Variants in PGGT1B observed in about 807,000 individuals in gnomAD.
The protein encoded by PGGT1B is geranylgeranyl transferase type-1 subunit beta.
PGGT1B carries 30 observed loss-of-function variants against 46.1 expected under a neutral mutation model. That is an observed-to-expected ratio of 0.65 (90% CI 0.49 to 0.88). The LOEUF is 0.88. PGGT1B is among the 40% of genes least tolerant of loss of function. The pLI, the probability that PGGT1B is intolerant of heterozygous loss-of-function variation, is 0.00. For synonymous variants in PGGT1B, 170 were observed against 160.0 expected (o/e 1.06, Z -0.47); for missense variants, 376 against 455.9 (o/e 0.82, Z 1.60).
intron 6 of PGGT1B, among the ~76,000 whole-genome samples, chr5:115,227,250 T>C (rs1432650955): frequency 6.6e-6 from 1 of 152,132 alleles, no homozygotes; most frequent in African/African-American, 2.4e-5. Flanking sequence ...GAAATAACAA[T>C]AATTATTGTG....
intron 1 of PGGT1B, among the ~76,000 whole-genome samples, chr5:115,261,653 G>A (rs1473530900): frequency 6.6e-6 from 1 of 152,198 alleles, no homozygotes; most frequent in East Asian, 1.9e-4. Flanking sequence ...CCTTTGTGAA[G>A]TTTATAATCC....
At chr5:115,242,688 G>A (rs959131126) in intron 2 of PGGT1B, among the ~76,000 whole-genome samples, 2 of 152,178 alleles carry the variant, frequency 1.3e-5, no homozygotes, top group African/African-American at 2.4e-5. Context: ...TAGCAGCCAG[G>A]TGTGGTAGCT....
intron 7 of PGGT1B, among the ~76,000 whole-genome samples, chr5:115,221,612 G>C (rs939648018): frequency 6.6e-6 from 1 of 151,928 alleles, no homozygotes; most frequent in African/African-American, 2.4e-5. Context: ...TGGGTTACTT[G>C]AGTTTTCCAA....
chr5:115,251,488 T>C (rs1204460061), intron 2 of PGGT1B, among the ~76,000 whole-genome samples: 1 of 151,990 alleles, frequency 6.6e-6, no homozygotes, highest in Non-Finnish European at 1.5e-5. Flanking sequence ...ACCAAAAAAT[T>C]GCTCAATTAC....
rs1402588109 is a variant in PGGT1B at position 115,206,164 on chromosome 5, ATGAG to A, written c.*6234_*6237del. ...TTGTATAAGTATATATTGTATTGGG[ATGAG>A]TAATACTTAAATGTTCAGATATTTA... On this transcript the variant is annotated 3_prime_UTR_variant, in exon 9 of 9. Coordinates refer to ENST00000419445, the MANE Select transcript of PGGT1B (RefSeq NM_005023.4). 6.6e-6 allele frequency: 1 copy of A among 151,844 alleles called. No homozygotes were observed. The highest frequency in any genetic ancestry group is 1.5e-5 in the Non-Finnish European group (1 of 67,858). The allele number at this position is 151,844 out of a possible 1,614,324, so 9.4% of individuals were successfully genotyped here.
chr5:115,219,346 GA>G (rs1280215796), intron 7 of PGGT1B, among the ~76,000 whole-genome samples: 1 of 151,814 alleles, frequency 6.6e-6, no homozygotes, highest in African/African-American at 2.4e-5. Flanking sequence ...CCATTTCATG[GA>G]AAAGGACAGT....
intron 2 of PGGT1B, among the ~76,000 whole-genome samples, chr5:115,244,497 C>A (rs894332467): frequency 2.2e-5 from 3 of 135,258 alleles, no homozygotes; most frequent in African/African-American, 5.5e-5. Flanking sequence ...AAAAAGGATT[C>A]TACCTAACAC....
chr5:115,223,730 C>T (rs918256720), intron 6 of PGGT1B, among the ~76,000 whole-genome samples: 2 of 152,164 alleles, frequency 1.3e-5, no homozygotes, highest in Non-Finnish European at 2.9e-5. Context: ...AAAACTAATA[C>T]ACTCACAAAG....
Position 115,205,183 on chromosome 5 carries a change from C to G in PGGT1B, c.*7219G>C, listed in dbSNP as rs567699254. 6.6e-6 allele frequency: 1 copy of G among 152,136 alleles called. No individual in the cohort carries two copies. The highest frequency in any genetic ancestry group is 1.5e-5 in the Non-Finnish European group (1 of 68,018). 9.4% of individuals were successfully genotyped at this position (152,136 alleles called of 1,614,324 possible). On this transcript the variant is annotated 3_prime_UTR_variant, in exon 9 of 9. Coordinates refer to ENST00000419445, the MANE Select transcript of PGGT1B (RefSeq NM_005023.4). ...TTGGCTTTGAGCCTAAATTCATAAT[C>G]TTTTACTTTTTCACAATTTCTCCAG...
rs190931649 is a variant in PGGT1B, at chr5:115,214,155, T to A, written c.953-1572A>T. On this transcript the variant is annotated intron_variant, in intron 8 of 8. Coordinates refer to ENST00000419445, the MANE Select transcript of PGGT1B (RefSeq NM_005023.4). ...CTAGGAAAAAGTACAACAGAAAATATATATCTATAATAACATAAAATAGAA... is the reference window on the plus strand; with the variant it reads ...CTAGGAAAAAGTACAACAGAAAATAAATATCTATAATAACATAAAATAGAA... Among the ~76,000 whole-genome samples the A allele has an allele frequency of 4.9e-4, 74 of 152,270 alleles. 1 individual carries two copies. The highest frequency in any genetic ancestry group is 4.3e-3 in the Admixed American group (66 of 15,290).
intron 4 of PGGT1B, 124 bp downstream of exon 4, chr5:115,237,734 T>C (rs1336729478): frequency 5.7e-6 from 4 of 699,926 alleles, no homozygotes; most frequent in Non-Finnish European, 8.8e-6. Context: ...ATGTACCTCG[T>C]AAGCTTTAGG....
intron 3 of PGGT1B, among the ~76,000 whole-genome samples, chr5:115,239,287 A>T (rs1757279741): frequency 6.6e-6 from 1 of 152,132 alleles, no homozygotes; most frequent in South Asian, 2.1e-4. Context: ...CAAGTGATCC[A>T]TCCTCCTCAT....
In PGGT1B at chr5:115,212,521, T is replaced by C. The variant is rs778087881; in HGVS notation, c.1015A>G (p.Lys339Glu). 3.1e-6 allele frequency: 5 copies of C among 1,613,556 alleles called. No homozygotes were observed. The Admixed American group carries it at 5.0e-5, about 16-fold the overall frequency. ...CTTACATTCAGAGCAGGATGAACTTTACAAATTCCACTTTCCTCCATTAGT... is the reference window on the plus strand; with the variant it reads ...CTTACATTCAGAGCAGGATGAACTTCACAAATTCCACTTTCCTCCATTAGT... ...LSLMEESGIC[K>E]VHPALNVSTR... The change falls in exon 9 of 9, where the codon AAA becomes GAA. Residue 339 changes from lysine (K) to glutamate (E), a missense_variant. Around this residue, in one of 2 missense-constraint regions of PGGT1B, gnomAD observed 222 missense variants for 313.6 expected, o/e 0.71. Transcript: ENST00000419445.
chr5:115,258,003 T>C (rs1748396792), intron 1 of PGGT1B, among the ~76,000 whole-genome samples: 1 of 152,242 alleles, frequency 6.6e-6, no homozygotes, highest in South Asian at 2.1e-4. Context: ...TTTATAATTA[T>C]TTTTCAATGG....
intron 5 of PGGT1B, among the ~76,000 whole-genome samples, chr5:115,234,404 G>A (rs1459729775): frequency 2.0e-5 from 3 of 151,944 alleles, no homozygotes; most frequent in African/African-American, 7.2e-5. Flanking sequence ...CAGGGAGGGT[G>A]AGGGGCAAGG....
chr5:115,260,471 C>A (rs1334693321), intron 1 of PGGT1B, among the ~76,000 whole-genome samples: 3 of 152,032 alleles, frequency 2.0e-5, no homozygotes, highest in Admixed American at 1.3e-4. Flanking sequence ...TCTTAAAGAT[C>A]AGCAGAAACT....
At chr5:115,253,450 T>A (rs140893225) in intron 1 of PGGT1B, among the ~76,000 whole-genome samples, 195 bp from the exon 2 acceptor site, 21 of 152,048 alleles carry the variant, frequency 1.4e-4, no homozygotes, top group African/African-American at 5.1e-4. Flanking sequence ...TTGTTTCAAT[T>A]TTTCAAAAGG....
At chr5:115,249,205 T>A (rs954157874) in intron 2 of PGGT1B, among the ~76,000 whole-genome samples, 1 of 152,092 alleles carries the variant, frequency 6.6e-6, no homozygotes, top group East Asian at 1.9e-4. Flanking sequence ...CACATTTATA[T>A]AGATTGTTAA....
chr5:115,217,014 T>C (rs1756440810), intron 7 of PGGT1B, 41 bp from the exon 8 acceptor site: 1 of 879,744 alleles, frequency 1.1e-6, no homozygotes, highest in Admixed American at 1.9e-5. Context: ...GACATAAAAC[T>C]CATATCAACC....
Sources: gnomAD v4.1 joint callset for allele counts (sites outside exome capture counted in the v4.1 genomes callset) on GRCh38, gnomAD v4.1.1 for gene constraint, gnomAD v4.1.1 regional missense constraint, MANE v1.5 for transcripts, NCBI Gene and HGNC (gene_info 2026-07-23, HGNC 2026-07-21) for gene names.